The following DHX57 variants were observed in gnomAD, a reference collection of about 807,000 sequenced individuals.
DHX57 encodes the protein DExH-box helicase 57.
Under a neutral mutation model 156.2 loss-of-function variants are expected in DHX57, and 105 were observed. That is an observed-to-expected ratio of 0.67 (90% confidence interval 0.57 to 0.79). DHX57 has a LOEUF of 0.79. Among genes scored for constraint, DHX57 ranks in the 30% least tolerant of loss-of-function variants. DHX57 has a pLI of 0.00. For synonymous variants in DHX57, 704 were observed against 595.6 expected (o/e 1.18, Z -2.65); for missense variants, 1,847 against 1,661.9 (o/e 1.11, Z -1.94).
chr2:38,863,232 C>G, intron 3 of DHX57, 129 bp downstream of exon 3: 5 of 950,538 alleles, frequency 5.3e-6, no homozygotes, highest in Non-Finnish European at 7.5e-6. Context: ...TTACTCTTGG[C>G]TCACTTTCAA....
intron 21 of DHX57, among the ~76,000 whole-genome samples, chr2:38,812,507 C>T (rs961919731): frequency 1.3e-5 from 2 of 152,162 alleles, no homozygotes; most frequent in Non-Finnish European, 2.9e-5. Context: ...GAAGGCTGGC[C>T]ACAGGTGGTC....
chr2:38,843,654 T>C (rs1168253325), intron 11 of DHX57, among the ~76,000 whole-genome samples: 1 of 152,202 alleles, frequency 6.6e-6, no homozygotes, highest in African/African-American at 2.4e-5. Context: ...CTTAAAACAT[T>C]TCAAAACTCT....
intron 13 of DHX57, among the ~76,000 whole-genome samples, chr2:38,836,516 G>A (rs541367090): frequency 1.3e-5 from 2 of 152,282 alleles, no homozygotes; most frequent in South Asian, 2.1e-4. Context: ...GCTCACGCCT[G>A]TAATCCCAGC....
chr2:38,830,234 A>G (rs1671310279), intron 13 of DHX57, among the ~76,000 whole-genome samples: 2 of 152,242 alleles, frequency 1.3e-5, no homozygotes, highest in South Asian at 4.1e-4. Flanking sequence ...AACTCTGATG[A>G]AGGCTGAAAG....
At chr2:38,823,781 G>A (rs574516607) in intron 16 of DHX57, among the ~76,000 whole-genome samples, 18 of 152,328 alleles carry the variant, frequency 1.2e-4, no homozygotes, top group African/African-American at 4.1e-4. Flanking sequence ...GGAGGCCGAG[G>A]TAGGTGGATC....
chr2:38,855,211 T>A lies in DHX57; in HGVS notation c.1751A>T (p.Asp584Val), dbSNP rs763562531. The A allele has an allele frequency of 1.2e-6, 2 of 1,614,046 alleles. No individual in the cohort carries two copies. Among genetic ancestry groups the A allele is most frequent in the Non-Finnish European group, 1.7e-6 (2 of 1,180,034 alleles). The change falls in exon 8 of 24, where the codon GAT (aspartate) becomes GTT (valine). Residue 584 changes from aspartate (D) to valine (V), a missense_variant. Transcript: ENST00000457308. The part of the protein sequence containing the change: ...TTQIPQFILD[D>V]SLNGPPEKVA... ...CTTCTCAGGTGGTCCATTCAGAGAA[T>A]CATCCAGAATAAACTGCGGAATTTG... is the stretch of plus-strand genomic sequence containing the variant.
chr2:38,829,072 G>T (rs1243283934), intron 13 of DHX57, among the ~76,000 whole-genome samples: 3 of 151,862 alleles, frequency 2.0e-5, no homozygotes, highest in African/African-American at 7.3e-5. Context: ...CTCCTGAGTA[G>T]TTGGGACTAC....
chr2:38,816,106 G>A (rs112040684), intron 19 of DHX57: 12 of 471,652 alleles, frequency 2.5e-5, no homozygotes, highest in African/African-American at 8.0e-5. Flanking sequence ...CAGGCCTAGA[G>A]TGGTTCGTGC....
chr2:38,841,544 C>T (rs1672001428), intron 12 of DHX57, among the ~76,000 whole-genome samples: 1 of 152,186 alleles, frequency 6.6e-6, no homozygotes, highest in Admixed American at 6.5e-5. Flanking sequence ...CATTCCACAT[C>T]CAGGATTGGG....
At chr2:38,828,795 A>T (rs576911876) in intron 13 of DHX57, among the ~76,000 whole-genome samples, 21 of 152,188 alleles carry the variant, frequency 1.4e-4, no homozygotes, top group Non-Finnish European at 2.9e-4. Context: ...ATTTAAACAA[A>T]TAAATAACTA....
rs1444681089 is a variant in DHX57, at chr2:38,826,702, A to C, written c.2640-13T>G. 4.1e-5 allele frequency: 66 copies of C among 1,612,872 alleles called. No homozygotes were observed. The highest frequency in any genetic ancestry group is 5.4e-5 in the Non-Finnish European group (64 of 1,179,284). On this transcript the variant is annotated splice_polypyrimidine_tract_variant and intron_variant, in intron 14 of 23. Coordinates refer to ENST00000457308, the MANE Select transcript of DHX57 (RefSeq NM_198963.3). ...GTGAATAACACATCTGGAAGGAAAT[A>C]AAAGCACATGAAGTATTCTAGCACC...
chr2:38,807,461 C>T (rs1438278310), intron 21 of DHX57, among the ~76,000 whole-genome samples: 1 of 150,870 alleles, frequency 6.6e-6, no homozygotes, highest in East Asian at 2.0e-4. Flanking sequence ...GGGTTCACGC[C>T]ATTCTCCTGC....
intron 6 of DHX57, among the ~76,000 whole-genome samples, chr2:38,857,817 T>C (rs948406359): frequency 8.5e-5 from 13 of 152,256 alleles, no homozygotes; most frequent in Non-Finnish European, 1.6e-4. Context: ...GGGCACATTA[T>C]TTATCCTTTG....
chr2:38,858,216 C>A (rs1673003877), intron 6 of DHX57, among the ~76,000 whole-genome samples: 1 of 152,168 alleles, frequency 6.6e-6, no homozygotes, highest in African/African-American at 2.4e-5. Context: ...CACCTGCCAC[C>A]ACGCCCGGCT....
rs118067539 is a variant in DHX57 at position 38,819,603 on chromosome 2, G to A, written c.3292-459C>T. 4.9e-4 allele frequency among the ~76,000 whole-genome samples: 75 copies of A among 152,274 alleles called. No homozygotes were observed. In the East Asian group the frequency reaches 0.013, roughly 26 times the overall value. On this transcript the variant is annotated intron_variant, in intron 17 of 23. Coordinates refer to ENST00000457308, the MANE Select transcript of DHX57 (RefSeq NM_198963.3). ...TCAGCTAATGAAAGGCAATTATGAC[G>A]GTAAATGGCAAGCTCACAGTCTTTG...
Position 38,826,551 on chromosome 2 carries a change from GACA to G in DHX57, c.2775_2777del (p.Val926del). ...TCATTTTCCCAGAATCGATAACATA[GACA>G]ACATCATCGATGGTTATGGATGTCT... On this transcript the variant is annotated inframe_deletion, in exon 15 of 24. Coordinates refer to ENST00000457308, the MANE Select transcript of DHX57 (RefSeq NM_198963.3). The G allele has an allele frequency of 6.2e-7, 1 of 1,614,022 alleles. No individual in the cohort carries two copies. Among genetic ancestry groups the G allele is most frequent in the Non-Finnish European group, 8.5e-7 (1 of 1,179,996 alleles).
intron 1 of DHX57, among the ~76,000 whole-genome samples, chr2:38,874,128 A>G (rs1279436734): frequency 2.0e-5 from 3 of 151,058 alleles, no homozygotes; most frequent in Admixed American, 6.6e-5. Context: ...ATCTTGCTCT[A>G]TCACCCAGGC....
chr2:38,862,343 G>GCAACATTTTCATATATTAGATATTACTTT lies in DHX57; in HGVS notation c.384-39_384-11dup. ...CCCAGAAAGGCCTCTTCTAGCAAAG[G>GCAACATTTTCATATATTAGATATTACTTT]CAACATTTTCATATATTAGATATTA... On this transcript the variant is annotated splice_polypyrimidine_tract_variant and intron_variant, in intron 3 of 23. Transcript: ENST00000457308. 1.3e-6 allele frequency: 2 copies of GCAACATTTTCATATATTAGATATTACTTT among 1,546,858 alleles called. No individual in the cohort carries two copies. The highest frequency in any genetic ancestry group is 1.8e-6 in the Non-Finnish European group (2 of 1,141,512).
chr2:38,854,965 C>G, intron 8 of DHX57, 92 bp downstream of exon 8: 1 of 1,233,484 alleles, frequency 8.1e-7, no homozygotes. Flanking sequence ...AGTATATATC[C>G]CAAATTGCCC....
Sources: gnomAD v4.1 joint callset for allele counts (sites outside exome capture counted in the v4.1 genomes callset) on GRCh38, gnomAD v4.1.1 for gene constraint, MANE v1.5 for transcripts, NCBI Gene and HGNC (gene_info 2026-07-23, HGNC 2026-07-21) for gene names.